SLC41A2: variants seen among roughly 807,000 people sequenced by gnomAD.
The protein encoded by SLC41A2 is solute carrier family 41 member 2.
SLC41A2 carries 32 observed loss-of-function variants against 58.3 expected under a neutral mutation model. The observed-to-expected ratio is 0.55, with a 90% CI of 0.41 to 0.74. SLC41A2 has a LOEUF of 0.74. SLC41A2 is among the 30% of genes least tolerant of loss of function. The probability of loss-of-function intolerance (pLI) is 0.00; values close to 1 mark genes in which losing one functional copy is unlikely to be tolerated. For synonymous variants in SLC41A2, 190 were observed against 235.0 expected (o/e 0.81, Z 1.75); for missense variants, 514 against 680.6 (o/e 0.76, Z 2.72).
intron 1 of SLC41A2, among the ~76,000 whole-genome samples, chr12:104,951,822 A>T (rs1445175533): frequency 6.6e-6 from 1 of 150,904 alleles, no homozygotes; most frequent in Non-Finnish European, 1.5e-5. Flanking sequence ...AACTGCACTT[A>T]CTTTTGCACC....
intron 8 of SLC41A2, among the ~76,000 whole-genome samples, chr12:104,848,037 A>C (rs1359716086): frequency 6.6e-6 from 1 of 152,222 alleles, no homozygotes; most frequent in Non-Finnish European, 1.5e-5. Context: ...CAACAGCAGA[A>C]TACATTTCAC....
chr12:104,891,557 G>T (rs1176038341), intron 4 of SLC41A2, among the ~76,000 whole-genome samples: 1 of 149,270 alleles, frequency 6.7e-6, no homozygotes, highest in Non-Finnish European at 1.5e-5. Context: ...TAAATGTTTT[G>T]ATTATTACCC....
intron 6 of SLC41A2, among the ~76,000 whole-genome samples, chr12:104,876,443 G>T (rs2044047315): frequency 1.3e-5 from 2 of 151,566 alleles, no homozygotes; most frequent in Non-Finnish European, 2.9e-5. Context: ...CTTAGGTTTT[G>T]GTATGTTGTG....
At chr12:104,882,184 A>G (rs1427330476) in intron 6 of SLC41A2, among the ~76,000 whole-genome samples, 1 of 151,454 alleles carries the variant, frequency 6.6e-6, no homozygotes, top group Non-Finnish European at 1.5e-5. Context: ...ATCTTCCTCC[A>G]TCCCTTTATT....
At chr12:104,951,835 C>T (rs949438569) in intron 1 of SLC41A2, among the ~76,000 whole-genome samples, 11 of 150,344 alleles carry the variant, frequency 7.3e-5, no homozygotes, top group African/African-American at 2.7e-4. Context: ...TTTGCACCAA[C>T]CTAATAATTT....
intron 10 of SLC41A2, among the ~76,000 whole-genome samples, chr12:104,843,310 G>T (rs1045274923): frequency 6.6e-6 from 1 of 151,708 alleles, no homozygotes. Context: ...GTAGCATGAA[G>T]GTTTACTGGA....
chr12:104,930,357 G>C (rs1363334127), intron 1 of SLC41A2, among the ~76,000 whole-genome samples: 2 of 152,144 alleles, frequency 1.3e-5, no homozygotes, highest in Non-Finnish European at 2.9e-5. Context: ...AGAGAGAAAA[G>C]GGCAGAGAGC....
chr12:104,957,422 GGAT>G (rs954067818), intron 1 of SLC41A2, among the ~76,000 whole-genome samples: 4 of 152,000 alleles, frequency 2.6e-5, no homozygotes, highest in African/African-American at 9.7e-5. Context: ...TTTCTTTTGG[GGAT>G]GATGATCTGG....
chr12:104,932,673 C>T (rs1198668705), intron 1 of SLC41A2, among the ~76,000 whole-genome samples: 1 of 139,570 alleles, frequency 7.2e-6, no homozygotes, highest in African/African-American at 2.7e-5. Context: ...CAGCATGATA[C>T]TGGTATAAAA....
chr12:104,902,401 A>C (rs1462472532), intron 3 of SLC41A2, among the ~76,000 whole-genome samples: 1 of 152,198 alleles, frequency 6.6e-6, no homozygotes, highest in East Asian at 1.9e-4. Context: ...ATGTTAATAA[A>C]CTGATAGGAA....
Position 104,928,605 on chromosome 12 carries a change from A to G in SLC41A2, c.-78T>C, listed in dbSNP as rs1565909561. 1.2e-6 allele frequency: 1 copy of G among 821,822 alleles called. No individual in the cohort carries two copies. The highest frequency in any genetic ancestry group is 1.7e-6 in the Non-Finnish European group (1 of 578,732). The allele number at this position is 821,822 out of a possible 1,614,324, so 50.9% of individuals were successfully genotyped here. ...CAGCAGATGAATCAGAACCGCACAA[A>G]CACTGGTTTAAATTAAGTTGTTGAC... On this transcript the variant is annotated 5_prime_UTR_variant, in exon 2 of 11. Transcript: ENST00000258538.
In SLC41A2 at chr12:104,866,533, A is replaced by G. The variant is rs2135527968; in HGVS notation, c.1074T>C (p.Ala358=). 6.2e-7 allele frequency: 1 copy of G among 1,612,484 alleles called. No homozygotes were observed. The highest frequency in any genetic ancestry group is 8.5e-7 in the Non-Finnish European group (1 of 1,179,304). ...CTATTATAATCCAAATAGGGGTTAG[A>G]GCCAAGAAAAATACACCAACTAATG... is the stretch of plus-strand genomic sequence containing the variant. ...ISPLVGVFFL[A]LTPIWIIIAA... Residue 358 remains alanine, a synonymous_variant, in exon 7 of 11, where the codon GCT becomes GCC. Transcript: ENST00000258538.
chr12:104,822,013 T>A (rs769699817), intron 10 of SLC41A2, among the ~76,000 whole-genome samples: 2 of 152,214 alleles, frequency 1.3e-5, no homozygotes, highest in Non-Finnish European at 2.9e-5. Context: ...CATGTCATTC[T>A]GAAGGAATAA....
intron 6 of SLC41A2, among the ~76,000 whole-genome samples, chr12:104,881,202 CTCT>C (rs1373377906): frequency 6.6e-6 from 1 of 152,076 alleles, no homozygotes; most frequent in Non-Finnish European, 1.5e-5. Flanking sequence ...TGATTCTTCT[CTCT>C]TTTCTTCTTT....
At chr12:104,884,511 G>A (rs994517975) in intron 6 of SLC41A2, among the ~76,000 whole-genome samples, 1 of 152,054 alleles carries the variant, frequency 6.6e-6, no homozygotes, top group African/African-American at 2.4e-5. Flanking sequence ...AGGGTAACCT[G>A]TCCCAGAACC....
chr12:104,874,326 G>A (rs553612364), intron 6 of SLC41A2, among the ~76,000 whole-genome samples: 15 of 152,030 alleles, frequency 9.9e-5, no homozygotes, highest in East Asian at 7.7e-4. Flanking sequence ...CACCCGCCTC[G>A]GCCTCCCAAA....
At chr12:104,915,815 G>A (rs2046293874) in intron 2 of SLC41A2, among the ~76,000 whole-genome samples, 1 of 152,150 alleles carries the variant, frequency 6.6e-6, no homozygotes, top group Non-Finnish European at 1.5e-5. Context: ...TGTTGAATAG[G>A]AGTGGTGAGA....
At chr12:104,829,689 T>C (rs1201986581) in intron 10 of SLC41A2, among the ~76,000 whole-genome samples, 1 of 151,960 alleles carries the variant, frequency 6.6e-6, no homozygotes, top group African/African-American at 2.4e-5. Context: ...GTATATTGAA[T>C]AGAAGTGTGC....
At chr12:104,880,949 C>CT (rs776861751) in intron 6 of SLC41A2, among the ~76,000 whole-genome samples, 1 of 152,062 alleles carries the variant, frequency 6.6e-6, no homozygotes, top group Non-Finnish European at 1.5e-5. Flanking sequence ...TGGTCCTGGA[C>CT]TTTTTTTGGT....
Sources: gnomAD v4.1 joint callset for allele counts (sites outside exome capture counted in the v4.1 genomes callset) on GRCh38, gnomAD v4.1.1 for gene constraint, MANE v1.5 for transcripts, NCBI Gene and HGNC (gene_info 2026-07-23, HGNC 2026-07-21) for gene names.